The following ZNF804B variants were observed in gnomAD, a reference collection of about 807,000 sequenced individuals.
The protein encoded by ZNF804B is zinc finger protein 804B, also known as zinc finger 804B.
Under a neutral mutation model 101.4 loss-of-function variants are expected in ZNF804B, and 80 were observed. The observed-to-expected ratio is 0.79, with a 90% CI of 0.66 to 0.95. ZNF804B has a LOEUF of 0.95. Ranked by LOEUF, ZNF804B falls within the 40% of genes least tolerant of loss-of-function variation. ZNF804B has a pLI of 0.00. For synonymous variants in ZNF804B, 622 were observed against 558.8 expected (o/e 1.11, Z -1.59); for missense variants, 1,673 against 1,561.9 (o/e 1.07, Z -1.20).
intron 1 of ZNF804B, 119 bp downstream of exon 1, chr7:88,760,203 C>T (rs1789873784): frequency 2.6e-6 from 2 of 778,024 alleles, no homozygotes; most frequent in Non-Finnish European, 4.3e-6. Context: ...AAACGTATAC[C>T]TTATCCATAG....
chr7:88,996,772 C>T (rs1173360435), intron 1 of ZNF804B, among the ~76,000 whole-genome samples: 1 of 152,020 alleles, frequency 6.6e-6, no homozygotes, highest in Non-Finnish European at 1.5e-5. Context: ...AAGTACTTGA[C>T]TAAAAGCAGC....
intron 2 of ZNF804B, 131 bp downstream of exon 2, chr7:89,218,426 T>A: frequency 1.8e-6 from 2 of 1,104,560 alleles, no homozygotes; most frequent in Non-Finnish European, 2.5e-6. Context: ...TTTTCCCCCC[T>A]GGAAAGGTTG....
chr7:88,995,092 G>A (rs1472344298), intron 1 of ZNF804B, among the ~76,000 whole-genome samples: 2 of 152,038 alleles, frequency 1.3e-5, no homozygotes, highest in Non-Finnish European at 2.9e-5. Flanking sequence ...AGAGGTCCTT[G>A]CATATCGCCT....
chr7:88,980,713 A>G (rs1277484895), intron 1 of ZNF804B, among the ~76,000 whole-genome samples: 2 of 151,992 alleles, frequency 1.3e-5, no homozygotes, highest in African/African-American at 2.4e-5. Flanking sequence ...GGAGGGGGTG[A>G]CACAAGCATC....
rs567178401 is a variant in ZNF804B, at chr7:89,239,982, T to G, written c.249+21687T>G. 3.3e-5 allele frequency among the ~76,000 whole-genome samples: 5 copies of G among 151,962 alleles called. No individual in the cohort carries two copies. In the East Asian group the frequency reaches 7.7e-4, roughly 23 times the overall value. ...TCATTAATGGTATCTAACTTCTCAA[T>G]TAAAATAAATTCTCTATTCTTGTGA... On this transcript the variant is annotated intron_variant, in intron 2 of 3. Transcript: ENST00000333190.
chr7:89,004,829 AC>A (rs747099600), intron 1 of ZNF804B, among the ~76,000 whole-genome samples: 47 of 151,950 alleles, frequency 3.1e-4, no homozygotes, highest in Non-Finnish European at 7.4e-5. Flanking sequence ...CAGTGGGGCC[AC>A]CATCTTCATT....
chr7:89,045,676 C>T lies in ZNF804B; in HGVS notation c.109-172479C>T, dbSNP rs190017182. 3.2e-3 allele frequency among the ~76,000 whole-genome samples: 493 copies of T among 152,210 alleles called. 2 individuals carry two copies. The highest frequency in any genetic ancestry group is 0.011 in the African/African-American group (474 of 41,530). ...TCAGACTTGCATTGAGCCTGTAGCT[C>T]CTTTATTTTGGCCATTTCGTCTCAT... On this transcript the variant is annotated intron_variant, in intron 1 of 3. Transcript: ENST00000333190.
intron 1 of ZNF804B, among the ~76,000 whole-genome samples, chr7:88,861,653 G>C (rs902467454): frequency 4.6e-5 from 7 of 152,122 alleles, no homozygotes; most frequent in Non-Finnish European, 1.0e-4. Flanking sequence ...CAGTGTCACT[G>C]TAATAACATA....
intron 1 of ZNF804B, among the ~76,000 whole-genome samples, chr7:88,865,957 A>C (rs1323520931): frequency 2.6e-5 from 4 of 152,210 alleles, no homozygotes; most frequent in African/African-American, 9.6e-5. Flanking sequence ...TATGTTTTAT[A>C]CATCCTTCCA....
At chr7:88,815,677 T>C (rs1289938323) in intron 1 of ZNF804B, among the ~76,000 whole-genome samples, 3 of 151,996 alleles carry the variant, frequency 2.0e-5, no homozygotes, top group Non-Finnish European at 4.4e-5. Context: ...ACTGTGTAGT[T>C]CCACCCACTG....
At chr7:89,080,000 A>C (rs1329701513) in intron 1 of ZNF804B, among the ~76,000 whole-genome samples, 1 of 151,980 alleles carries the variant, frequency 6.6e-6, no homozygotes, top group East Asian at 1.9e-4. Context: ...GAGCTTTGGC[A>C]TGACAGGATA....
intron 1 of ZNF804B, among the ~76,000 whole-genome samples, chr7:88,951,108 TAAG>T (rs762801804): frequency 1.3e-5 from 2 of 151,840 alleles, no homozygotes; most frequent in Non-Finnish European, 2.9e-5. Context: ...TTTCTCCAAA[TAAG>T]AAATATTTGG....
chr7:88,920,375 C>G (rs1792702899), intron 1 of ZNF804B, among the ~76,000 whole-genome samples: 1 of 151,958 alleles, frequency 6.6e-6, no homozygotes, highest in African/African-American at 2.4e-5. Flanking sequence ...ACCTGGATAT[C>G]CTTATGAGTA....
chr7:88,822,629 T>G (rs1310428412), intron 1 of ZNF804B, among the ~76,000 whole-genome samples: 2 of 152,122 alleles, frequency 1.3e-5, no homozygotes, highest in Non-Finnish European at 2.9e-5. Context: ...AAGGTAATGC[T>G]GCAGAGAAGT....
intron 1 of ZNF804B, among the ~76,000 whole-genome samples, chr7:89,121,055 C>T (rs1330019100): frequency 6.6e-6 from 1 of 152,152 alleles, no homozygotes; most frequent in Non-Finnish European, 1.5e-5. Context: ...GGATGATAAA[C>T]GAAATCCAGA....
chr7:88,977,962 CTTTCTT>C (rs1793640059), intron 1 of ZNF804B, among the ~76,000 whole-genome samples: 1 of 151,458 alleles, frequency 6.6e-6, no homozygotes, highest in Non-Finnish European at 1.5e-5. Context: ...CATTTTAAAA[CTTTCTT>C]TTTAATTTCT....
Position 88,887,135 on chromosome 7 carries a change from T to G in ZNF804B, c.108+127051T>G, listed in dbSNP as rs1792139360. On this transcript the variant is annotated intron_variant, in intron 1 of 3. Transcript: ENST00000333190. ...GACAAGATTGCGGAGACAAGGGAAC[T>G]CTTCCCTGTAATAGGCAGCACCATC... Among the ~76,000 whole-genome samples, 5 of 152,284 alleles carry G rather than the reference T, an allele frequency of 3.3e-5. No individual in the cohort carries two copies. The South Asian group carries it at 6.2e-4, about 19-fold the overall frequency.
At chr7:89,049,054 C>G (rs1441922791) in intron 1 of ZNF804B, among the ~76,000 whole-genome samples, 1 of 151,760 alleles carries the variant, frequency 6.6e-6, no homozygotes, top group East Asian at 1.9e-4. Context: ...TTTTCCCAAA[C>G]GCATTTGCTT....
At position 88,845,648 on chromosome 7, in the gene ZNF804B, A is replaced by T. The variant is rs902799436; in HGVS notation, c.108+85564A>T. On this transcript the variant is annotated intron_variant, in intron 1 of 3. Coordinates refer to ENST00000333190, the MANE Select transcript of ZNF804B (RefSeq NM_181646.5). ...CCAAGAAAAATTTTCTTTTTTCTTT[A>T]TGAGACAGGATCTCACTTCCTTTGA... Among the ~76,000 whole-genome samples the T allele has an allele frequency of 1.5e-3, 222 of 145,552 alleles. 3 individuals carry two copies. The highest frequency in any genetic ancestry group is 9.7e-4 in the Non-Finnish European group (64 of 66,132).
Sources: gnomAD v4.1 joint callset for allele counts (sites outside exome capture counted in the v4.1 genomes callset) on GRCh38, gnomAD v4.1.1 for gene constraint, MANE v1.5 for transcripts, NCBI Gene and HGNC (gene_info 2026-07-23, HGNC 2026-07-21) for gene names.